Variants in USP37 observed in about 807,000 individuals in gnomAD.
The protein encoded by USP37 is ubiquitin carboxyl-terminal hydrolase 37.
A neutral mutation model predicts 124.0 loss-of-function variants in USP37; 27 were observed. The observed-to-expected ratio is 0.22, with a 90% CI of 0.16 to 0.30. The LOEUF (loss-of-function observed/expected upper bound fraction) is 0.30. Ranked by LOEUF, USP37 falls within the 10% of genes least tolerant of loss-of-function variation. USP37 has a pLI of 1.00. For missense variants in USP37, 889 were observed against 1,140.4 expected (o/e 0.78, Z 3.17); for synonymous variants, 365 against 388.0 (o/e 0.94, Z 0.70).
Position 218,497,764 on chromosome 2 carries a change from T to C in USP37, c.1251A>G (p.Thr417=). 1 of 1,614,182 alleles carries C rather than the reference T, an allele frequency of 6.2e-7. No individual in the cohort carries two copies. The highest frequency in any genetic ancestry group is 1.6e-4 in the Middle Eastern group (1 of 6,062). The change falls in exon 13 of 26, where the codon ACA becomes ACG. Residue 417 remains threonine, a synonymous_variant. Transcript: ENST00000258399. ...LKKVKNAISA[T]AERFSGYMQN... ...GCATATAACCAGAGAATCTCTCTGCTGTAGCTGAAATGGCATTTTTAACCT... is the reference window on the plus strand; with the variant it reads ...GCATATAACCAGAGAATCTCTCTGCCGTAGCTGAAATGGCATTTTTAACCT...
intron 11 of USP37, among the ~76,000 whole-genome samples, chr2:218,507,404 T>C (rs1032842695): frequency 6.6e-6 from 1 of 152,096 alleles, no homozygotes; most frequent in African/African-American, 2.4e-5. Context: ...GTTATCCGCC[T>C]GCCTCGGCCC....
chr2:218,458,253 T>TAAA (rs33911503), intron 23 of USP37, among the ~76,000 whole-genome samples: 132 of 70,840 alleles, frequency 1.9e-3, no homozygotes, highest in East Asian at 2.6e-3. Context: ...AGACCTTGCC[T>TAAA]AAAAAAAAAA....
chr2:218,509,356 A>G (rs1294324388), intron 11 of USP37, among the ~76,000 whole-genome samples: 1 of 152,208 alleles, frequency 6.6e-6, no homozygotes, highest in African/African-American at 2.4e-5. Flanking sequence ...GATTTTTAAT[A>G]TATCTATCTC....
chr2:218,553,507 C>T lies in USP37; in HGVS notation c.328+46G>A, dbSNP rs756551801. 21 of 1,534,954 alleles carry T rather than the reference C, an allele frequency of 1.4e-5. No homozygotes were observed. The South Asian group carries it at 1.9e-4, about 14-fold the overall frequency. Reference sequence around the variant, plus strand: ...ATATTGGTCTGTAGTCTAGTCATAGCCTTGTAAAAATACTAACGTTAGACC... The same window carrying T: ...ATATTGGTCTGTAGTCTAGTCATAGTCTTGTAAAAATACTAACGTTAGACC... On this transcript the variant is annotated intron_variant, in intron 5 of 25. Coordinates refer to ENST00000258399, the MANE Select transcript of USP37 (RefSeq NM_020935.3).
At chr2:218,470,564 C>T (rs1371212659) in intron 20 of USP37, among the ~76,000 whole-genome samples, 2 of 152,208 alleles carry the variant, frequency 1.3e-5, no homozygotes, top group Admixed American at 1.3e-4. Context: ...CTAAACATGG[C>T]TTCAGGCCAT....
At chr2:218,529,477 CAAAAAAA>C (rs71403049) in intron 10 of USP37, among the ~76,000 whole-genome samples, 11 of 112,508 alleles carry the variant, frequency 9.8e-5, no homozygotes, top group East Asian at 3.4e-4. Flanking sequence ...TGGTCTCAAA[CAAAAAAA>C]AAAAAAAAAA....
intron 10 of USP37, among the ~76,000 whole-genome samples, chr2:218,511,243 G>A (rs1043146915): frequency 1.3e-5 from 2 of 151,974 alleles, no homozygotes; most frequent in Admixed American, 6.6e-5. Flanking sequence ...GGTTTCAAGC[G>A]AGTCTTGTGT....
chr2:218,551,485 A>T (rs1692662340), intron 5 of USP37, among the ~76,000 whole-genome samples: 1 of 152,250 alleles, frequency 6.6e-6, no homozygotes, highest in Admixed American at 6.5e-5. Context: ...GAGATTAGGA[A>T]ATTAAAATTC....
At chr2:218,476,443 T>C (rs1690984923) in intron 19 of USP37, among the ~76,000 whole-genome samples, 1 of 151,858 alleles carries the variant, frequency 6.6e-6, no homozygotes, top group Admixed American at 6.6e-5. Flanking sequence ...GGCATGGTGG[T>C]ACATGCCTGT....
chr2:218,497,948 T>G (rs1339909121), intron 12 of USP37, 78 bp downstream of exon 12: 14 of 1,570,694 alleles, frequency 8.9e-6, no homozygotes, highest in Middle Eastern at 1.7e-4. Flanking sequence ...ACAGAAAATT[T>G]TTGAGTGTCT....
In USP37 at chr2:218,482,250, T is replaced by C. The variant is rs367643868; in HGVS notation, c.1671-16A>G. 6 of 1,604,480 alleles carry C rather than the reference T, an allele frequency of 3.7e-6. No homozygotes were observed. In the African/African-American group the frequency reaches 8.0e-5, roughly 21 times the overall value. On this transcript the variant is annotated splice_polypyrimidine_tract_variant and intron_variant, in intron 16 of 25. Transcript: ENST00000258399. ...AATGAGGACCCTGAAAAACAGGAGA[T>C]GACAACCTTACTAATTCATACATAA... is the stretch of plus-strand genomic sequence containing the variant.
chr2:218,455,518 A>G (rs1689651056), intron 25 of USP37, 62 bp downstream of exon 25: 1 of 1,525,690 alleles, frequency 6.6e-7, no homozygotes, highest in Non-Finnish European at 8.8e-7. Flanking sequence ...AGGAAAAAAA[A>G]AAAAAAAAAA....
chr2:218,450,912 CTTACTAATTGTGT>C lies in USP37; in HGVS notation c.*4005_*4017del, dbSNP rs1407805067. The C allele has an allele frequency of 5.3e-5, 8 of 152,140 alleles. No individual in the cohort carries two copies. 9.4% of individuals were successfully genotyped at this position (152,140 alleles called of 1,614,324 possible). A position where few individuals can be genotyped will look rare whatever the true frequency, so the allele number is the denominator to read the frequency against. On this transcript the variant is annotated 3_prime_UTR_variant, in exon 26 of 26. Transcript: ENST00000258399. ...AGACATATAGCACACATGGAGACAA[CTTACTAATTGTGT>C]GTAAGTATGATACAATGAATGAGAC...
Position 218,495,699 on chromosome 2 carries a change from G to T in USP37, c.1472+61C>A, listed in dbSNP as rs1044923600. On this transcript the variant is annotated intron_variant, in intron 14 of 25. Coordinates refer to ENST00000258399, the MANE Select transcript of USP37 (RefSeq NM_020935.3). ...TCATGGCATTTGGTATGTCATAGAA[G>T]AATTTTAATCACTTGCCATAAAGAA... is the stretch of plus-strand genomic sequence containing the variant. The T allele has an allele frequency of 3.3e-6, 5 of 1,509,266 alleles. No individual in the cohort carries two copies. In the African/African-American group the frequency reaches 4.2e-5, roughly 13 times the overall value. The allele number at this position is 1,509,266 out of a possible 1,614,324, so 93.5% of individuals were successfully genotyped here. A position where few individuals can be genotyped will look rare whatever the true frequency, so the allele number is the denominator to read the frequency against.
chr2:218,460,970 C>T lies in USP37; in HGVS notation c.2528-1065G>A, dbSNP rs368892016. 1.1e-4 allele frequency among the ~76,000 whole-genome samples: 17 copies of T among 151,978 alleles called. No individual in the cohort carries two copies. The East Asian group carries it at 1.5e-3, about 14-fold the overall frequency. On this transcript the variant is annotated intron_variant, in intron 22 of 25. Coordinates refer to ENST00000258399, the MANE Select transcript of USP37 (RefSeq NM_020935.3). ...AATAAAAATAAAAAAAAAATCATTT[C>T]TTGAAACGTACCAAAAAAGTAAAGA...
intron 14 of USP37, among the ~76,000 whole-genome samples, chr2:218,490,937 G>A (rs907863970): frequency 2.6e-5 from 4 of 152,096 alleles, no homozygotes; most frequent in African/African-American, 7.2e-5. Context: ...GCAGTGGCCC[G>A]ACCACGGCTC....
chr2:218,493,765 C>T (rs1178344606), intron 14 of USP37, among the ~76,000 whole-genome samples: 1 of 152,176 alleles, frequency 6.6e-6, no homozygotes, highest in African/African-American at 2.4e-5. Flanking sequence ...GCCACCATGC[C>T]CAGCCTGATA....
chr2:218,555,341 GA>G (rs1418560312), intron 4 of USP37, among the ~76,000 whole-genome samples: 2 of 152,026 alleles, frequency 1.3e-5, no homozygotes, highest in African/African-American at 4.8e-5. Flanking sequence ...AGATAAGAAT[GA>G]AAAACAATTT....
chr2:218,503,728 G>A (rs1689520842), intron 11 of USP37, among the ~76,000 whole-genome samples: 1 of 151,750 alleles, frequency 6.6e-6, no homozygotes, highest in South Asian at 2.1e-4. Flanking sequence ...AAAAGAAAAA[G>A]AAAAAGAAAA....
Sources: allele counts gnomAD v4.1 joint callset (sites outside exome capture counted in the v4.1 genomes callset), GRCh38; gene constraint gnomAD v4.1.1; transcripts MANE v1.5; gene names NCBI Gene and HGNC (gene_info 2026-07-23, HGNC 2026-07-21).